The following CDYL2 variants were observed in gnomAD, a reference collection of about 807,000 sequenced individuals.
CDYL2 encodes chromodomain Y like 2.
A neutral mutation model predicts 49.4 loss-of-function variants in CDYL2; 23 were observed. The ratio of observed to expected loss-of-function variants is 0.47; its 90% CI spans 0.34 to 0.66. CDYL2 has a LOEUF of 0.66. Ranked by LOEUF, CDYL2 falls within the 30% of genes least tolerant of loss-of-function variation. CDYL2 has a pLI of 0.01. For missense variants in CDYL2, 678 were observed against 656.4 expected (o/e 1.03, Z -0.36); for synonymous variants, 360 against 268.8 (o/e 1.34, Z -3.32).
chr16:80,743,566 G>A (rs553025387), intron 1 of CDYL2, among the ~76,000 whole-genome samples: 3 of 152,332 alleles, frequency 2.0e-5, no homozygotes, highest in African/African-American at 7.2e-5. Flanking sequence ...ACATCCCAGT[G>A]AAGCGGGATT....
intron 2 of CDYL2, among the ~76,000 whole-genome samples, chr16:80,644,693 G>C (rs993061382): frequency 3.3e-5 from 5 of 152,202 alleles, no homozygotes; most frequent in Non-Finnish European, 5.9e-5. Context: ...CATGAGAACA[G>C]TATGGGGGAA....
At position 80,617,676 on chromosome 16, in the gene CDYL2, T is replaced by C. The variant is rs182446201; in HGVS notation, c.1007+3087A>G. On this transcript the variant is annotated intron_variant, in intron 4 of 6. Transcript: ENST00000570137. ...GTCTCTTTCTAACCCCGGGAGCATC[T>C]GTCTCTACACGCCGCATCTTCTGCA... 4.2e-4 allele frequency among the ~76,000 whole-genome samples: 64 copies of C among 152,276 alleles called. 1 individual carries two copies. In the East Asian group the frequency reaches 6.8e-3, roughly 16 times the overall value.
intron 1 of CDYL2, among the ~76,000 whole-genome samples, chr16:80,691,298 G>C (rs563531618): frequency 6.6e-6 from 1 of 152,224 alleles, no homozygotes; most frequent in South Asian, 2.1e-4. Context: ...GAAGGATAAA[G>C]AGGGCAAGTT....
chr16:80,795,635 A>T (rs1034997559), intron 1 of CDYL2, among the ~76,000 whole-genome samples: 6 of 152,164 alleles, frequency 3.9e-5, no homozygotes, highest in African/African-American at 1.4e-4. Context: ...CCAACCTACC[A>T]GAGCCAGGGG....
chr16:80,713,387 G>A (rs1490766168), intron 1 of CDYL2, among the ~76,000 whole-genome samples: 1 of 152,170 alleles, frequency 6.6e-6, no homozygotes, highest in African/African-American at 2.4e-5. Context: ...CAGAAGACTG[G>A]TAGCATTTTT....
chr16:80,608,288 C>T lies in CDYL2; in HGVS notation c.1219-53G>A, dbSNP rs1906438470. Reference sequence around the variant, plus strand: ...GAGGGCCTGGAGGTCCACCCATGTCCCTCAGCTGGTCCAGGGCTTGCCACC... The same window carrying T: ...GAGGGCCTGGAGGTCCACCCATGTCTCTCAGCTGGTCCAGGGCTTGCCACC... On this transcript the variant is annotated intron_variant, in intron 5 of 6. Transcript: ENST00000570137. 3 of 1,497,736 alleles carry T rather than the reference C, an allele frequency of 2.0e-6. No homozygotes were observed. In the Admixed American group the frequency reaches 6.6e-5, roughly 33 times the overall value. The allele number at this position is 1,497,736 out of a possible 1,614,324, so 92.8% of individuals were successfully genotyped here.
intron 3 of CDYL2, chr16:80,628,093 G>A (rs12716892): frequency 1 from 152,356 of 152,378 alleles, 76,167 homozygotes; most frequent in Middle Eastern, 1. Context: ...AGATTTCCCC[G>A]TACCCTAGAC....
intron 2 of CDYL2, among the ~76,000 whole-genome samples, chr16:80,642,864 G>C (rs1377688677): frequency 6.6e-6 from 1 of 152,134 alleles, no homozygotes; most frequent in African/African-American, 2.4e-5. Context: ...TACAATTCAA[G>C]ATGAGATTTG....
intron 2 of CDYL2, among the ~76,000 whole-genome samples, chr16:80,654,576 C>T (rs1908724906): frequency 6.6e-6 from 1 of 152,198 alleles, no homozygotes; most frequent in South Asian, 2.1e-4. Flanking sequence ...CCTCTGCATA[C>T]AGGGCCCTGG....
chr16:80,758,140 G>A (rs1022840148), intron 1 of CDYL2, among the ~76,000 whole-genome samples: 1 of 152,166 alleles, frequency 6.6e-6, no homozygotes, highest in African/African-American at 2.4e-5. Context: ...GTTGGTAAAT[G>A]TGAGATTTCA....
intron 1 of CDYL2, among the ~76,000 whole-genome samples, chr16:80,758,948 T>G (rs1317601750): frequency 1.3e-5 from 2 of 151,628 alleles, no homozygotes; most frequent in African/African-American, 2.4e-5. Flanking sequence ...AAGAAAATAC[T>G]AACCAGACAT....
At chr16:80,655,694 G>T (rs1908776618) in intron 2 of CDYL2, among the ~76,000 whole-genome samples, 1 of 152,166 alleles carries the variant, frequency 6.6e-6, no homozygotes, top group Admixed American at 6.5e-5. Flanking sequence ...TTAGAAAGAT[G>T]CAACACCTCT....
chr16:80,727,884 G>A (rs1211288928), intron 1 of CDYL2, among the ~76,000 whole-genome samples: 2 of 152,142 alleles, frequency 1.3e-5, no homozygotes, highest in Non-Finnish European at 2.9e-5. Flanking sequence ...TTGCAGCTGA[G>A]GGTCCTGTCT....
intron 1 of CDYL2, among the ~76,000 whole-genome samples, chr16:80,709,153 G>A (rs764598631): frequency 2.0e-5 from 3 of 152,280 alleles, no homozygotes; most frequent in Admixed American, 1.3e-4. Flanking sequence ...GGAGGCCGAG[G>A]TGGGCAGATC....
intron 1 of CDYL2, among the ~76,000 whole-genome samples, chr16:80,769,651 C>G (rs559240914): frequency 1.3e-5 from 2 of 152,078 alleles, no homozygotes; most frequent in African/African-American, 2.4e-5. Flanking sequence ...CTCCCCAGGC[C>G]GAAAGATGTG....
At chr16:80,798,326 A>T (rs985993268) in intron 1 of CDYL2, among the ~76,000 whole-genome samples, 1 of 152,212 alleles carries the variant, frequency 6.6e-6, no homozygotes, top group Non-Finnish European at 1.5e-5. Context: ...TACAGGCATG[A>T]GCCACAGTGC....
intron 2 of CDYL2, among the ~76,000 whole-genome samples, chr16:80,677,564 C>T (rs939658334): frequency 6.6e-6 from 1 of 151,606 alleles, no homozygotes; most frequent in Admixed American, 6.6e-5. Flanking sequence ...GGTGAAACCC[C>T]GTCTCTAATA....
intron 1 of CDYL2, among the ~76,000 whole-genome samples, chr16:80,688,604 C>G (rs1408276241): frequency 1.3e-5 from 2 of 152,116 alleles, no homozygotes; most frequent in Non-Finnish European, 2.9e-5. Context: ...TCCTGAAACA[C>G]TGGAATAACC....
chr16:80,681,209 C>G (rs1343719832), intron 2 of CDYL2, among the ~76,000 whole-genome samples: 3 of 152,072 alleles, frequency 2.0e-5, no homozygotes, highest in African/African-American at 7.2e-5. Flanking sequence ...ACCCCCAAAA[C>G]AAATGCTGTG....
Sources: allele counts gnomAD v4.1 joint callset (sites outside exome capture counted in the v4.1 genomes callset), GRCh38; gene constraint gnomAD v4.1.1; transcripts MANE v1.5; gene names NCBI Gene and HGNC (gene_info 2026-07-23, HGNC 2026-07-21).